PALS1: variants seen among roughly 807,000 people sequenced by gnomAD.
PALS1 encodes protein PALS1.
Under a neutral mutation model 78.9 loss-of-function variants are expected in PALS1, and 31 were observed. The ratio of observed to expected loss-of-function variants is 0.39; its 90% CI spans 0.30 to 0.53. The LOEUF (loss-of-function observed/expected upper bound fraction) is 0.53. Ranked by LOEUF, PALS1 falls within the 20% of genes least tolerant of loss-of-function variation. PALS1 has a pLI of 0.67. For missense variants in PALS1, 704 were observed against 826.5 expected (o/e 0.85, Z 1.82); for synonymous variants, 276 against 270.9 (o/e 1.02, Z -0.18).
At chr14:67,282,291 T>C (rs2084617988) in intron 3 of PALS1, among the ~76,000 whole-genome samples, 1 of 152,146 alleles carries the variant, frequency 6.6e-6, no homozygotes. Flanking sequence ...TAGTATTTGA[T>C]TAATACCCAT....
Position 67,286,957 on chromosome 14 carries a change from C to T in PALS1, c.368-5554C>T, listed in dbSNP as rs537065331. Reference sequence around the variant, plus strand: ...TTATGGCTGCGCGTGGTGGCTCACGCCTGTAATCTCAGCACTTTGGGAGGC... The same window carrying T: ...TTATGGCTGCGCGTGGTGGCTCACGTCTGTAATCTCAGCACTTTGGGAGGC... On this transcript the variant is annotated intron_variant, in intron 3 of 14. Transcript: ENST00000261681. Among the ~76,000 whole-genome samples the T allele has an allele frequency of 2.9e-4, 44 of 151,954 alleles. No individual in the cohort carries two copies. The East Asian group carries it at 8.3e-3, about 29-fold the overall frequency.
rs1281236934 is a variant in PALS1 at position 67,332,908 on chromosome 14, C to T, written c.1980C>T (p.Asn660=). 3.7e-6 allele frequency: 6 copies of T among 1,613,826 alleles called. No individual in the cohort carries two copies. Among genetic ancestry groups the T allele is most frequent in the Non-Finnish European group, 4.2e-6 (5 of 1,179,868 alleles). Residue 660 remains asparagine, a synonymous_variant, in exon 15 of 15, where the codon AAC becomes AAT. Transcript: ENST00000261681. ...ATCAGGAATTGCTTAGGTTAATTAA[C>T]AAACTTGATACTGAACCTCAGTGGG... The part of the protein sequence containing the change: ...KAYQELLRLI[N]KLDTEPQWVP...
At chr14:67,289,216 C>T (rs1205160258) in intron 3 of PALS1, among the ~76,000 whole-genome samples, 1 of 152,088 alleles carries the variant, frequency 6.6e-6, no homozygotes, top group Non-Finnish European at 1.5e-5. Context: ...GATCCACCTG[C>T]CTCAGCCTCC....
chr14:67,316,989 A>G, intron 10 of PALS1, 86 bp downstream of exon 10: 3 of 1,011,150 alleles, frequency 3.0e-6, no homozygotes, highest in Non-Finnish European at 4.5e-6. Context: ...AGAACCGTGA[A>G]GAAGTACTCA....
At chr14:67,273,261 C>G (rs1427297797) in intron 2 of PALS1, among the ~76,000 whole-genome samples, 3 of 151,550 alleles carry the variant, frequency 2.0e-5, no homozygotes, top group Non-Finnish European at 2.9e-5. Flanking sequence ...TGCTATCGCT[C>G]CCCCCTCCCA....
intron 7 of PALS1, among the ~76,000 whole-genome samples, chr14:67,302,821 T>C (rs1027341070): frequency 7.0e-6 from 1 of 143,222 alleles, no homozygotes; most frequent in Non-Finnish European, 1.6e-5. Context: ...TATAACTCAT[T>C]AATTCACTCA....
At chr14:67,263,793 T>G (rs1185165427) in intron 1 of PALS1, among the ~76,000 whole-genome samples, 30 of 152,348 alleles carry the variant, frequency 2.0e-4, no homozygotes, top group South Asian at 1.0e-3. Context: ...CAAGTAGTGT[T>G]GCTGCTTTTA....
In PALS1 at chr14:67,332,926, T is replaced by C. The variant is rs533273195; in HGVS notation, c.1998T>C (p.Pro666=). Residue 666 remains proline, a synonymous_variant, in exon 15 of 15, where the codon CCT becomes CCC. Coordinates refer to ENST00000261681, the MANE Select transcript of PALS1 (RefSeq NM_022474.4). ...LRLINKLDTE[P]QWVPSTWLR ...TAATTAACAAACTTGATACTGAACC[T>C]CAGTGGGTACCATCCACTTGGCTGA... 719 of 1,613,118 alleles carry C rather than the reference T, an allele frequency of 4.5e-4. 8 individuals carry two copies. In the South Asian group the frequency reaches 7.5e-3, roughly 17 times the overall value.
chr14:67,274,958 T>C (rs918103690), intron 2 of PALS1, among the ~76,000 whole-genome samples: 68 of 152,212 alleles, frequency 4.5e-4, no homozygotes, highest in African/African-American at 1.5e-3. Flanking sequence ...CTTGTGATTT[T>C]TGCACATTGA....
chr14:67,247,647 T>A (rs1374034936), intron 1 of PALS1, among the ~76,000 whole-genome samples: 3 of 152,156 alleles, frequency 2.0e-5, no homozygotes, highest in Admixed American at 2.0e-4. Flanking sequence ...GGCGCAGCAC[T>A]GCTCACGGCA....
intron 1 of PALS1, among the ~76,000 whole-genome samples, chr14:67,248,648 T>G (rs1164591584): frequency 2.0e-5 from 3 of 152,144 alleles, no homozygotes; most frequent in Non-Finnish European, 2.9e-5. Context: ...TCAACAACTT[T>G]CGGTAAGTAT....
At position 67,334,054 on chromosome 14, in the gene PALS1, T is replaced by C. The variant is rs1162388176; in HGVS notation, c.*1098T>C. On this transcript the variant is annotated 3_prime_UTR_variant, in exon 15 of 15. Transcript: ENST00000261681. ...TAGCATTAGAATAAAATTATATATG[T>C]CCTTGGGAAATATTATGACAGTTGA... 2 of 152,570 alleles carry C rather than the reference T, an allele frequency of 1.3e-5. No individual in the cohort carries two copies. Among genetic ancestry groups the C allele is most frequent in the Non-Finnish European group, 2.9e-5 (2 of 68,026 alleles). The allele number at this position is 152,570 out of a possible 1,614,324, so 9.5% of individuals were successfully genotyped here. A position where few individuals can be genotyped will look rare whatever the true frequency, so the allele number is the denominator to read the frequency against.
chr14:67,331,027 A>T (rs2141059795), intron 14 of PALS1, among the ~76,000 whole-genome samples: 1 of 151,468 alleles, frequency 6.6e-6, no homozygotes, highest in South Asian at 2.1e-4. Flanking sequence ...ATTCTACTTA[A>T]GTTTTTTTCT....
intron 14 of PALS1, among the ~76,000 whole-genome samples, chr14:67,328,016 T>C (rs1026717566): frequency 2.0e-5 from 3 of 152,318 alleles, no homozygotes; most frequent in African/African-American, 7.2e-5. Flanking sequence ...GATGGCTGGG[T>C]CAAATGGTAT....
intron 1 of PALS1, among the ~76,000 whole-genome samples, chr14:67,244,055 A>G (rs945464524): frequency 2.6e-5 from 4 of 152,224 alleles, no homozygotes; most frequent in Non-Finnish European, 5.9e-5. Flanking sequence ...AGATAAACCA[A>G]TAAGTTGCCT....
chr14:67,254,201 T>TTTA (rs2084110581), intron 1 of PALS1: 221 of 125,196 alleles, frequency 1.8e-3, no homozygotes, highest in African/African-American at 8.1e-3. Context: ...TTTTTTTTTT[T>TTTA]AGATTTTAAG....
intron 1 of PALS1, among the ~76,000 whole-genome samples, chr14:67,247,110 G>A (rs1440060234): frequency 6.6e-6 from 1 of 152,170 alleles, no homozygotes; most frequent in Non-Finnish European, 1.5e-5. Context: ...GATTGAGATT[G>A]TGTCTAATTT....
At chr14:67,259,085 C>T (rs2084190354) in intron 1 of PALS1, among the ~76,000 whole-genome samples, 1 of 151,734 alleles carries the variant, frequency 6.6e-6, no homozygotes, top group African/African-American at 2.4e-5. Flanking sequence ...TCAAGTGATC[C>T]GCCTGCCTCG....
At chr14:67,257,768 C>A (rs1555517466) in intron 1 of PALS1, among the ~76,000 whole-genome samples, 1 of 152,018 alleles carries the variant, frequency 6.6e-6, no homozygotes, top group Non-Finnish European at 1.5e-5. Context: ...ATGCAGAACT[C>A]AGGTAGAGGA....
Sources: allele counts gnomAD v4.1 joint callset (sites outside exome capture counted in the v4.1 genomes callset), GRCh38; gene constraint gnomAD v4.1.1; transcripts MANE v1.5; gene names NCBI Gene and HGNC (gene_info 2026-07-23, HGNC 2026-07-21).